Variants in ISM1 observed in about 807,000 individuals in gnomAD.
ISM1 encodes isthmin-1.
ISM1 carries 25 observed loss-of-function variants against 46.3 expected under a neutral mutation model. The observed-to-expected ratio is 0.54, with a 90% CI of 0.39 to 0.75. The LOEUF is 0.75. ISM1 is among the 30% of genes least tolerant of loss of function. ISM1 has a pLI of 0.00. For synonymous variants in ISM1, 255 were observed against 256.7 expected (o/e 0.99, Z 0.06); for missense variants, 536 against 625.4 (o/e 0.86, Z 1.52).
chr20:13,273,937 GT>G (rs2040143932), intron 2 of ISM1, among the ~76,000 whole-genome samples: 1 of 152,156 alleles, frequency 6.6e-6, no homozygotes, highest in Non-Finnish European at 1.5e-5. Context: ...ATTGTGGTGC[GT>G]TTCTGGCCTT....
At chr20:13,323,940 G>A in the ISM1 span, among the ~76,000 whole-genome samples, 1 of 152,164 alleles carries the variant, frequency 6.6e-6, no homozygotes, top group Admixed American at 6.5e-5. Context: ...TCTTTCTTGT[G>A]AGTCTTTCTG....
At chr20:13,310,554 G>T in the ISM1 span, among the ~76,000 whole-genome samples, 1 of 152,120 alleles carries the variant, frequency 6.6e-6, no homozygotes, top group Non-Finnish European at 1.5e-5. Context: ...GGCAACAAAA[G>T]CAAAAATAGG....
downstream of ISM1, among the ~76,000 whole-genome samples, chr20:13,304,135 T>C (rs958455377): frequency 5.9e-5 from 9 of 152,140 alleles, no homozygotes; most frequent in Non-Finnish European, 2.9e-5. Flanking sequence ...TTTTTGTAGG[T>C]TCAGCAGTGA....
At chr20:13,247,291 GTTC>G (rs1235513248) in intron 1 of ISM1, among the ~76,000 whole-genome samples, 4 of 152,026 alleles carry the variant, frequency 2.6e-5, no homozygotes, top group Non-Finnish European at 5.9e-5. Flanking sequence ...GCAATTTCTT[GTTC>G]TTCTGTGAAG....
rs202233129 is a variant in ISM1 at position 13,223,188 on chromosome 20, AAAAT to A, written c.138+1294_138+1297del. Among the ~76,000 whole-genome samples the A allele has an allele frequency of 5.7e-3, 839 of 147,262 alleles. 4 individuals carry two copies. The highest frequency in any genetic ancestry group is 0.02 in the African/African-American group (770 of 38,464). On this transcript the variant is annotated intron_variant, in intron 1 of 5. Transcript: ENST00000262487. ...AAAATAAAATAAAATAAAATAAAAT[AAAAT>A]AAATAAATAAATAAATAAAATGAAA...
At chr20:13,280,190 G>C (rs964502265) in intron 3 of ISM1, among the ~76,000 whole-genome samples, 50 of 151,048 alleles carry the variant, frequency 3.3e-4, no homozygotes, top group Admixed American at 1.4e-3. Context: ...TCAAATTTCA[G>C]TTTTATTTCT....
intron 4 of ISM1, among the ~76,000 whole-genome samples, chr20:13,292,102 A>C (rs2040359454): frequency 2.0e-5 from 3 of 152,158 alleles, no homozygotes; most frequent in Admixed American, 2.0e-4. Flanking sequence ...CACTGCCCAA[A>C]ACCCCATCCC....
intron 1 of ISM1, among the ~76,000 whole-genome samples, chr20:13,262,726 G>A (rs1213177769): frequency 7.2e-5 from 11 of 152,192 alleles, no homozygotes; most frequent in Admixed American, 7.2e-4. Context: ...CACCAGTGAA[G>A]TGTTGATCTC....
At chr20:13,317,332 G>C in the ISM1 span, among the ~76,000 whole-genome samples, 7 of 151,974 alleles carry the variant, frequency 4.6e-5, no homozygotes, top group African/African-American at 1.7e-4. Flanking sequence ...CTCCATGTTA[G>C]GGAGGCTCAA....
intron 1 of ISM1, among the ~76,000 whole-genome samples, chr20:13,222,745 G>T (rs1231752626): frequency 6.6e-6 from 1 of 152,222 alleles, no homozygotes; most frequent in Non-Finnish European, 1.5e-5. Flanking sequence ...TGCCCAGCTA[G>T]GCATTTCCTG....
chr20:13,259,280 C>CAAA (rs60585146), intron 1 of ISM1, among the ~76,000 whole-genome samples: 1 of 116,620 alleles, frequency 8.6e-6, no homozygotes, highest in African/African-American at 3.3e-5. Context: ...GACTCTGTCT[C>CAAA]AAAAAAAAAA....
At chr20:13,234,807 G>A (rs999745960) in intron 1 of ISM1, among the ~76,000 whole-genome samples, 1 of 152,096 alleles carries the variant, frequency 6.6e-6, no homozygotes, top group Admixed American at 6.6e-5. Context: ...AGGTCATTTG[G>A]TTTTTTCTTG....
At chr20:13,279,969 C>A in intron 3 of ISM1, 71 bp downstream of exon 3, 2 of 1,422,086 alleles carry the variant, frequency 1.4e-6, no homozygotes, top group Non-Finnish European at 1.9e-6. Context: ...GACATGGAGC[C>A]AAGCAAAACC....
At position 13,246,598 on chromosome 20, in the gene ISM1, A is replaced by G. The variant is rs1288811991; in HGVS notation, c.139-23906A>G. ...CACCACATTTAAGGAGGCAGAGCAG[A>G]TACGTGTTTTTTCATTTTATAGATG... On this transcript the variant is annotated intron_variant, in intron 1 of 5. Transcript: ENST00000262487. Among the ~76,000 whole-genome samples, 3 of 151,666 alleles carry G rather than the reference A, an allele frequency of 2.0e-5. No individual in the cohort carries two copies. In the East Asian group the frequency reaches 5.8e-4, roughly 29 times the overall value.
the ISM1 span, among the ~76,000 whole-genome samples, chr20:13,322,983 C>T: frequency 2.0e-5 from 3 of 152,146 alleles, no homozygotes; most frequent in Non-Finnish European, 4.4e-5. Context: ...GAAGAGACAA[C>T]ATTTGACAAA....
Position 13,270,638 on chromosome 20 carries a change from G to C in ISM1, c.273G>C (p.Gly91=), listed in dbSNP as rs761195287. The change falls in exon 2 of 6, where the codon GGG becomes GGC. Residue 91 remains glycine, a synonymous_variant. Transcript: ENST00000262487. ...FPRPRFRQET[G]HPSLQRDFPR... is the part of the protein sequence containing the mutation. ...GACCGCGATTCCGACAAGAGACGGG[G>C]CACCCTTCATTGCAAAGAGATTTCC... 2 of 1,613,942 alleles carry C rather than the reference G, an allele frequency of 1.2e-6. No homozygotes were observed. The highest frequency in any genetic ancestry group is 1.1e-5 in the South Asian group (1 of 91,060).
rs541529442 is a variant in ISM1 at position 13,260,099 on chromosome 20, C to G, written c.139-10405C>G. ...TTTCCAAGCAGGAATCACACCATTT[C>G]CCTAGAGAATAACAGAACAGCAGTC... On this transcript the variant is annotated intron_variant, in intron 1 of 5. Transcript: ENST00000262487. Among the ~76,000 whole-genome samples the G allele has an allele frequency of 8.5e-4, 130 of 152,330 alleles. 1 individual carries two copies. The highest frequency in any genetic ancestry group is 3.0e-3 in the African/African-American group (126 of 41,580).
chr20:13,247,211 A>G (rs1206342881), intron 1 of ISM1, among the ~76,000 whole-genome samples: 1 of 152,168 alleles, frequency 6.6e-6, no homozygotes, highest in Non-Finnish European at 1.5e-5. Context: ...AGCCTGGGCA[A>G]AAAAATGTGA....
intron 1 of ISM1, among the ~76,000 whole-genome samples, chr20:13,232,846 A>G (rs2039603591): frequency 6.6e-6 from 1 of 152,230 alleles, no homozygotes; most frequent in Non-Finnish European, 1.5e-5. Flanking sequence ...ACTACAGTAT[A>G]TTATGAAATA....
Sources: gnomAD v4.1 joint callset for allele counts (sites outside exome capture counted in the v4.1 genomes callset) on GRCh38, gnomAD v4.1.1 for gene constraint, MANE v1.5 for transcripts, NCBI Gene and HGNC (gene_info 2026-07-23, HGNC 2026-07-21) for gene names.